The following DOCK4 variants were observed in gnomAD, a reference collection of about 807,000 sequenced individuals.
DOCK4 encodes the protein dedicator of cytokinesis 4.
In DOCK4, 97 loss-of-function variants were observed where a neutral mutation model predicts 268.1. The ratio of observed to expected loss-of-function variants is 0.36; its 90% CI spans 0.31 to 0.43. DOCK4 has a LOEUF of 0.43. DOCK4 is among the 20% of genes least tolerant of loss of function. The probability of loss-of-function intolerance (pLI) is 1.00; values close to 1 mark genes in which losing one functional copy is unlikely to be tolerated. For missense variants in DOCK4, 2,145 were observed against 2,455.7 expected (o/e 0.87, Z 2.67); for synonymous variants, 954 against 887.2 (o/e 1.08, Z -1.34).
rs374186968 is a variant in DOCK4, at chr7:111,728,377, G to A, written c.5825C>T (p.Pro1942Leu). The change falls in exon 53 of 53, where the codon CCC becomes CTC. Residue 1942 changes from proline (P) to leucine (L), a missense_variant. Physicochemically the swap from Pro to Leu is moderately conservative, Grantham distance 98. Coordinates refer to ENST00000428084, the MANE Select transcript of DOCK4 (RefSeq NM_001363540.2). ...PVTSEPPALPPKPLAARSSHL... is the reference protein window; with the variant it reads ...PVTSEPPALPLKPLAARSSHL... ...GCTGGATCGCGCTGCCAGAGGCTTG[G>A]GGGGCAGCGCGGGCGGCTCCGACGT... is the stretch of plus-strand genomic sequence containing the variant. 1.0e-5 allele frequency: 16 copies of A among 1,541,320 alleles called. No individual in the cohort carries two copies. The highest frequency in any genetic ancestry group is 1.2e-5 in the Non-Finnish European group (14 of 1,144,394).
chr7:112,151,722 T>C lies in DOCK4; in HGVS notation c.37+54380A>G, dbSNP rs1415412890. ...TTTGTTTTATTTAAATGAATGTCTCTTTTCAATAATGAGGAAAGTTCAGCA... is the reference window on the plus strand; with the variant it reads ...TTTGTTTTATTTAAATGAATGTCTCCTTTCAATAATGAGGAAAGTTCAGCA... On this transcript the variant is annotated intron_variant, in intron 1 of 52. Transcript: ENST00000428084. Among the ~76,000 whole-genome samples the C allele has an allele frequency of 2.0e-5, 3 of 151,522 alleles. No individual in the cohort carries two copies. In the East Asian group the frequency reaches 5.8e-4, roughly 29 times the overall value.
chr7:112,097,210 T>G (rs912324890), intron 1 of DOCK4, among the ~76,000 whole-genome samples: 1 of 152,158 alleles, frequency 6.6e-6, no homozygotes, highest in African/African-American at 2.4e-5. Context: ...AAGAAAAGGA[T>G]TGGTTCCAAA....
At chr7:112,099,977 T>C (rs1425345893) in intron 1 of DOCK4, among the ~76,000 whole-genome samples, 1 of 152,216 alleles carries the variant, frequency 6.6e-6, no homozygotes, top group Non-Finnish European at 1.5e-5. Context: ...TCACAAATAG[T>C]ATTTTATCCT....
At chr7:112,132,502 T>G (rs1171422021) in intron 1 of DOCK4, among the ~76,000 whole-genome samples, 1 of 152,004 alleles carries the variant, frequency 6.6e-6, no homozygotes, top group African/African-American at 2.4e-5. Context: ...AGATGATATC[T>G]AGAAACAACA....
At chr7:111,970,297 G>C (rs2135057977) in intron 8 of DOCK4, among the ~76,000 whole-genome samples, 1 of 151,764 alleles carries the variant, frequency 6.6e-6, no homozygotes, top group African/African-American at 2.4e-5. Flanking sequence ...CATGTGAGCT[G>C]TATGACCTTG....
chr7:111,827,330 T>G (rs145627163), intron 26 of DOCK4, among the ~76,000 whole-genome samples: 29 of 152,280 alleles, frequency 1.9e-4, no homozygotes, highest in African/African-American at 7.0e-4. Flanking sequence ...GTCAAAATAA[T>G]TATATTGAAA....
At chr7:112,053,148 T>C (rs1316549431) in intron 1 of DOCK4, among the ~76,000 whole-genome samples, 2 of 152,216 alleles carry the variant, frequency 1.3e-5, no homozygotes, top group Non-Finnish European at 2.9e-5. Flanking sequence ...CCAGCCATCA[T>C]TCAGGAAAGG....
At position 111,746,206 on chromosome 7, in the gene DOCK4, G is replaced by C. The variant is rs983355350; in HGVS notation, c.4677+128C>G. 6.1e-6 allele frequency: 4 copies of C among 657,730 alleles called. No homozygotes were observed. The African/African-American group carries it at 7.4e-5, about 12-fold the overall frequency. 40.7% of individuals were successfully genotyped at this position (657,730 alleles called of 1,614,324 possible). The stretch of plus-strand genomic sequence containing the variant: ...AATTAGCAAGCTGGGATATATTACA[G>C]GAATCTGTCACCCTTGCTTGCCAGC... On this transcript the variant is annotated intron_variant, in intron 44 of 52. Coordinates refer to ENST00000428084, the MANE Select transcript of DOCK4 (RefSeq NM_001363540.2).
intron 36 of DOCK4, among the ~76,000 whole-genome samples, chr7:111,773,231 T>A (rs1457770890): frequency 1.3e-5 from 2 of 152,196 alleles, no homozygotes; most frequent in African/African-American, 4.8e-5. Context: ...GGAAAAGGGT[T>A]AAGTCACTTA....
chr7:112,154,671 C>T (rs1265039389), intron 1 of DOCK4, among the ~76,000 whole-genome samples: 1 of 152,156 alleles, frequency 6.6e-6, no homozygotes, highest in African/African-American at 2.4e-5. Flanking sequence ...GAGATAAAGA[C>T]TCTCTCATCT....
intron 1 of DOCK4, among the ~76,000 whole-genome samples, chr7:112,022,209 C>T (rs1453174308): frequency 6.6e-6 from 1 of 152,222 alleles, no homozygotes; most frequent in Non-Finnish European, 1.5e-5. Flanking sequence ...GTTTACTAAA[C>T]ATCTACCGCA....
intron 1 of DOCK4, among the ~76,000 whole-genome samples, chr7:112,047,031 G>A (rs1213279157): frequency 6.6e-6 from 1 of 152,154 alleles, no homozygotes; most frequent in Non-Finnish European, 1.5e-5. Flanking sequence ...CATGACTCTG[G>A]GGAAAGAACC....
Position 111,778,303 on chromosome 7 carries a change from G to A in DOCK4, c.3652C>T (p.Leu1218=). ...YIRYIHKLYD[L]HLKAQNFTEA... is the part of the protein sequence containing the mutation. ...GTAAAGTTCTGTGCTTTGAGATGCA[G>A]ATCATAGAGTTTGTGAATGTAGCGT... The change falls in exon 36 of 53, where the codon CTG becomes TTG. Residue 1218 remains leucine, a synonymous_variant. Transcript: ENST00000428084. The A allele has an allele frequency of 6.2e-7, 1 of 1,612,798 alleles. No individual in the cohort carries two copies. The highest frequency in any genetic ancestry group is 8.5e-7 in the Non-Finnish European group (1 of 1,179,046).
rs143665151 is a variant in DOCK4 at position 111,840,190 on chromosome 7, C to A, written c.2736+4573G>T. Among the ~76,000 whole-genome samples, 368 of 152,248 alleles carry A rather than the reference C, an allele frequency of 2.4e-3. 1 individual carries two copies. Among genetic ancestry groups the A allele is most frequent in the African/African-American group, 8.5e-3 (355 of 41,556 alleles). On this transcript the variant is annotated intron_variant, in intron 25 of 52. Transcript: ENST00000428084. ...TATTGGATGGCTACAACTGTCTTCA[C>A]GAAACCTATTATACACATACATTAT...
intron 1 of DOCK4, among the ~76,000 whole-genome samples, chr7:112,144,610 G>T (rs552954823): frequency 1.6e-4 from 25 of 152,288 alleles, no homozygotes; most frequent in African/African-American, 5.8e-4. Context: ...GGTCATCAAG[G>T]ACCCAGGGCA....
At position 111,774,699 on chromosome 7, in the gene DOCK4, C is replaced by T. The variant is rs73715248; in HGVS notation, c.3679+3577G>A. Among the ~76,000 whole-genome samples, 311 of 152,154 alleles carry T rather than the reference C, an allele frequency of 2.0e-3. 3 individuals are homozygous for T. Among genetic ancestry groups the T allele is most frequent in the African/African-American group, 7.1e-3 (296 of 41,508 alleles). On this transcript the variant is annotated intron_variant, in intron 36 of 52. Transcript: ENST00000428084. Reference sequence around the variant, plus strand: ...GGTAAGATGAGGCTGAACAGACAAGCGTTGGTTCAATTACAACAGACCTTG... The same window carrying T: ...GGTAAGATGAGGCTGAACAGACAAGTGTTGGTTCAATTACAACAGACCTTG...
intron 52 of DOCK4, among the ~76,000 whole-genome samples, chr7:111,730,129 A>G (rs1794977625): frequency 6.6e-6 from 1 of 152,088 alleles, no homozygotes; most frequent in Admixed American, 6.5e-5. Context: ...GTCTGGCCCC[A>G]TTTGGCATCT....
At chr7:111,914,249 G>T (rs1281414997) in intron 13 of DOCK4, among the ~76,000 whole-genome samples, 2 of 152,116 alleles carry the variant, frequency 1.3e-5, no homozygotes, top group Admixed American at 6.5e-5. Flanking sequence ...TCAACACCAT[G>T]ATCACCACTT....
chr7:111,835,866 A>T (rs1340235160), intron 25 of DOCK4, among the ~76,000 whole-genome samples: 1 of 152,182 alleles, frequency 6.6e-6, no homozygotes, highest in Admixed American at 6.5e-5. Context: ...ATGTCAAGGC[A>T]ACCAGGTACT....
Sources: allele counts gnomAD v4.1 joint callset (sites outside exome capture counted in the v4.1 genomes callset), GRCh38; gene constraint gnomAD v4.1.1; transcripts MANE v1.5; gene names NCBI Gene and HGNC (gene_info 2026-07-23, HGNC 2026-07-21).